The following USP4 variants were observed in gnomAD, a reference collection of about 807,000 sequenced individuals.
USP4 encodes the protein ubiquitin specific peptidase 4.
USP4 carries 72 observed loss-of-function variants against 118.2 expected under a neutral mutation model. The ratio of observed to expected loss-of-function variants is 0.61; its 90% CI spans 0.50 to 0.74. The LOEUF (loss-of-function observed/expected upper bound fraction) is 0.74. USP4 is among the 30% of genes least tolerant of loss of function. The pLI, the probability that USP4 is intolerant of heterozygous loss-of-function variation, is 0.00. For missense variants in USP4, 1,037 were observed against 1,185.7 expected, an observed-to-expected ratio of 0.87 and a Z score of 1.84; for synonymous variants, 415 against 440.4, an observed-to-expected ratio of 0.94 and a Z score of 0.72.
At chr3:49,291,591 GA>G (rs1466105768) in intron 15 of USP4, among the ~76,000 whole-genome samples, 1 of 146,052 alleles carries the variant, frequency 6.8e-6, no homozygotes, top group Non-Finnish European at 1.5e-5. Flanking sequence ...AAAAAAAAAA[GA>G]AAGAAAGAAA....
chr3:49,314,519 A>G (rs1021304333), intron 6 of USP4, among the ~76,000 whole-genome samples: 2 of 152,186 alleles, frequency 1.3e-5, no homozygotes, highest in Non-Finnish European at 2.9e-5. Flanking sequence ...GAGATGTCCA[A>G]TGTGATTTCC....
intron 20 of USP4, among the ~76,000 whole-genome samples, chr3:49,279,764 G>C (rs946537548): frequency 6.6e-6 from 1 of 152,158 alleles, no homozygotes; most frequent in African/African-American, 2.4e-5. Flanking sequence ...GAGGATCATG[G>C]GAAAGGGCAA....
Position 49,309,619 on chromosome 3 carries a change from C to CTTT in USP4, c.954+998_954+1000dup, listed in dbSNP as rs35128646. Reference sequence around the variant, plus strand: ...TAGTAAGGAGCATGGGGCGGGACAGCTTTTTTTTTTTTTTTTTTTTTTTTG... The same window carrying CTTT: ...TAGTAAGGAGCATGGGGCGGGACAGCTTTTTTTTTTTTTTTTTTTTTTTTTTTG... On this transcript the variant is annotated intron_variant, in intron 8 of 21. Coordinates refer to ENST00000265560, the MANE Select transcript of USP4 (RefSeq NM_003363.4). 1.5e-3 allele frequency among the ~76,000 whole-genome samples: 117 copies of CTTT among 79,396 alleles called. 1 individual carries two copies. Among genetic ancestry groups the CTTT allele is most frequent in the South Asian group, 5.2e-3 (9 of 1,722 alleles). The allele number at this position is 79,396 out of a possible 152,430, so 52.1% of individuals were successfully genotyped here. A position where few individuals can be genotyped will look rare whatever the true frequency, so the allele number is the denominator to read the frequency against.
chr3:49,311,176 C>A (rs1018920136), intron 7 of USP4, among the ~76,000 whole-genome samples: 7 of 151,794 alleles, frequency 4.6e-5, no homozygotes, highest in Non-Finnish European at 7.4e-5. Flanking sequence ...GAAAGGATCA[C>A]GGCCATCCAC....
intron 11 of USP4, among the ~76,000 whole-genome samples, chr3:49,300,006 G>T (rs2047248823): frequency 6.6e-6 from 1 of 152,110 alleles, no homozygotes; most frequent in African/African-American, 2.4e-5. Flanking sequence ...AACACTTTGG[G>T]AGGCCAAGAT....
chr3:49,319,881 G>A lies in USP4; in HGVS notation c.695+4821C>T, dbSNP rs143670367. ...TCCACCCACCTCCGCCTCCCAAAGT[G>A]GGATTACAGGCCATGAGCCACTGTG... On this transcript the variant is annotated intron_variant, in intron 6 of 21. Coordinates refer to ENST00000265560, the MANE Select transcript of USP4 (RefSeq NM_003363.4). Among the ~76,000 whole-genome samples the A allele has an allele frequency of 4.6e-3, 706 of 152,090 alleles. 7 individuals are homozygous for A. The highest frequency in any genetic ancestry group is 0.015 in the African/African-American group (636 of 41,500).
chr3:49,315,182 C>T (rs573245608), intron 6 of USP4, among the ~76,000 whole-genome samples: 7 of 151,820 alleles, frequency 4.6e-5, no homozygotes, highest in African/African-American at 1.5e-4. Context: ...GGCTGAACTT[C>T]TCTTTACAGA....
intron 6 of USP4, chr3:49,312,547 G>A (rs1328226396): frequency 6.6e-6 from 3 of 451,712 alleles, no homozygotes; most frequent in Non-Finnish European, 4.4e-6. Context: ...TTGAACCCGG[G>A]AGGCAGAAGT....
chr3:49,283,873 G>A, intron 19 of USP4, 114 bp downstream of exon 19: 2 of 1,290,850 alleles, frequency 1.5e-6, no homozygotes, highest in Non-Finnish European at 2.2e-6. Context: ...CTAGACCCCG[G>A]CAACACACAT....
At chr3:49,294,964 T>TC (rs2047187362) in intron 13 of USP4, among the ~76,000 whole-genome samples, 1 of 152,136 alleles carries the variant, frequency 6.6e-6, no homozygotes, top group East Asian at 1.9e-4. Context: ...ACCAAGTTCA[T>TC]CTTTTGTCAT....
chr3:49,294,244 C>T (rs2047180131), intron 14 of USP4, among the ~76,000 whole-genome samples, 163 bp downstream of exon 14: 2 of 152,166 alleles, frequency 1.3e-5, no homozygotes, highest in South Asian at 4.1e-4. Context: ...CTTGGCCTTC[C>T]AAAGTGCTGG....
intron 19 of USP4, 52 bp downstream of exon 19, chr3:49,283,935 G>T: frequency 1.2e-6 from 2 of 1,603,926 alleles, no homozygotes; most frequent in South Asian, 2.2e-5. Flanking sequence ...TCAGTGCCAA[G>T]ATTTTCTGCC....
At chr3:49,312,141 T>TG (rs2047389279) in intron 6 of USP4, 1 of 206,318 alleles carries the variant, frequency 4.8e-6, no homozygotes, top group African/African-American at 2.4e-5. Context: ...CTGACCAACA[T>TG]GGAGAAACCC....
chr3:49,293,064 G>A (rs1327768198), intron 14 of USP4, among the ~76,000 whole-genome samples: 1 of 152,040 alleles, frequency 6.6e-6, no homozygotes, highest in Non-Finnish European at 1.5e-5. Context: ...TAACACAGTG[G>A]CTCAATATTT....
chr3:49,282,134 T>C (rs1467496733), intron 19 of USP4, among the ~76,000 whole-genome samples: 1 of 152,158 alleles, frequency 6.6e-6, no homozygotes, highest in Non-Finnish European at 1.5e-5. Context: ...CACAGAGGGC[T>C]TCAGCAAGTA....
intron 6 of USP4, among the ~76,000 whole-genome samples, chr3:49,320,804 TCCC>T: frequency 6.6e-6 from 1 of 152,266 alleles, no homozygotes; most frequent in East Asian, 1.9e-4. Flanking sequence ...TCTTATTTTT[TCCC>T]CCCTTCATTT....
At chr3:49,308,040 G>T (rs931831205) in intron 8 of USP4, among the ~76,000 whole-genome samples, 26 of 152,050 alleles carry the variant, frequency 1.7e-4, no homozygotes, top group African/African-American at 6.0e-4. Flanking sequence ...TGCTCAAACA[G>T]AAGGTCTAGC....
At chr3:49,302,887 C>G (rs1421640786) in intron 9 of USP4, among the ~76,000 whole-genome samples, 1 of 152,192 alleles carries the variant, frequency 6.6e-6, no homozygotes, top group Non-Finnish European at 1.5e-5. Context: ...TCCATAAGGA[C>G]ATTACAAACA....
intron 1 of USP4, among the ~76,000 whole-genome samples, chr3:49,336,252 A>G (rs1483214030): frequency 3.5e-5 from 5 of 141,744 alleles, no homozygotes; most frequent in African/African-American, 1.3e-4. Context: ...GCTCACTACA[A>G]CCTCCACCTC....
Sources: allele counts gnomAD v4.1 joint callset (sites outside exome capture counted in the v4.1 genomes callset), GRCh38; gene constraint gnomAD v4.1.1; transcripts MANE v1.5; gene names NCBI Gene and HGNC (gene_info 2026-07-23, HGNC 2026-07-21).